ZBTB20: variants seen among roughly 807,000 people sequenced by gnomAD.
ZBTB20 encodes zinc finger and BTB domain containing 20.
A neutral mutation model predicts 56.9 loss-of-function variants in ZBTB20; 9 were observed. The observed-to-expected ratio is 0.16, with a 90% CI of 0.10 to 0.28. The LOEUF (loss-of-function observed/expected upper bound fraction) is 0.28. ZBTB20 is among the 10% of genes least tolerant of loss of function. ZBTB20 has a pLI of 1.00. For synonymous variants in ZBTB20, 417 were observed against 420.7 expected, an observed-to-expected ratio of 0.99 and a Z score of 0.11; for missense variants, 655 against 1,003.0, an observed-to-expected ratio of 0.65 and a Z score of 4.69.
At chr3:115,019,016 C>T (rs2080093751) in intron 2 of ZBTB20, among the ~76,000 whole-genome samples, 1 of 151,172 alleles carries the variant, frequency 6.6e-6, no homozygotes, top group Non-Finnish European at 1.5e-5. Flanking sequence ...CTTTTCTCCC[C>T]TCCAGATTGT....
intron 2 of ZBTB20, among the ~76,000 whole-genome samples, chr3:115,045,675 C>A (rs924006327): frequency 1.3e-5 from 2 of 151,896 alleles, no homozygotes; most frequent in South Asian, 2.1e-4. Flanking sequence ...AAAGGAAAAA[C>A]CAAATAAGAG....
intron 6 of ZBTB20, among the ~76,000 whole-genome samples, chr3:114,573,521 C>G (rs1188467026): frequency 1.1e-5 from 1 of 92,774 alleles, no homozygotes; most frequent in Non-Finnish European, 2.3e-5. Context: ...AAGAAAGAAA[C>G]AGAGAGAGAG....
intron 2 of ZBTB20, among the ~76,000 whole-genome samples, chr3:114,996,535 AC>A (rs1384264116): frequency 6.6e-6 from 1 of 151,740 alleles, no homozygotes; most frequent in Non-Finnish European, 1.5e-5. Context: ...AAGAACATGA[AC>A]TCATCCATTT....
chr3:115,089,520 A>C (rs2083110986), intron 1 of ZBTB20, among the ~76,000 whole-genome samples: 3 of 151,910 alleles, frequency 2.0e-5, no homozygotes, highest in African/African-American at 7.2e-5. Flanking sequence ...AGCAACAATT[A>C]TGATAGCATG....
chr3:114,861,153 A>C (rs547264931), intron 4 of ZBTB20, among the ~76,000 whole-genome samples: 1 of 152,166 alleles, frequency 6.6e-6, no homozygotes, highest in South Asian at 2.1e-4. Context: ...GTTTCTCCTC[A>C]AATGTCACCT....
At chr3:114,443,498 A>C (rs1029795824) in intron 7 of ZBTB20, among the ~76,000 whole-genome samples, 1 of 152,172 alleles carries the variant, frequency 6.6e-6, no homozygotes, top group Admixed American at 6.5e-5. Context: ...GGCCATAACC[A>C]CCACTATTTT....
chr3:115,103,481 T>A (rs2083639521), intron 1 of ZBTB20, among the ~76,000 whole-genome samples: 1 of 152,146 alleles, frequency 6.6e-6, no homozygotes. Flanking sequence ...CAAGAATGCA[T>A]GATGCTGGCA....
At chr3:114,944,569 G>A (rs557127820) in intron 3 of ZBTB20, among the ~76,000 whole-genome samples, 3 of 145,584 alleles carry the variant, frequency 2.1e-5, no homozygotes, top group Non-Finnish European at 4.4e-5. Context: ...GCTAAGATAC[G>A]GAAGCAACCT....
chr3:114,379,465 C>T (rs1034732408), intron 10 of ZBTB20, among the ~76,000 whole-genome samples: 2 of 152,166 alleles, frequency 1.3e-5, no homozygotes, highest in East Asian at 1.9e-4. Context: ...ATCTCCTAAA[C>T]GTGATTTATC....
At chr3:114,888,592 A>C (rs1465855662) in intron 4 of ZBTB20, among the ~76,000 whole-genome samples, 1 of 152,162 alleles carries the variant, frequency 6.6e-6, no homozygotes, top group East Asian at 1.9e-4. Flanking sequence ...ATTTTTCATC[A>C]ATGGAAATTT....
At chr3:114,517,944 G>T (rs2046205989) in intron 6 of ZBTB20, among the ~76,000 whole-genome samples, 1 of 152,188 alleles carries the variant, frequency 6.6e-6, no homozygotes, top group Non-Finnish European at 1.5e-5. Flanking sequence ...ACTGTGGACA[G>T]AGCCAACATG....
intron 5 of ZBTB20, among the ~76,000 whole-genome samples, chr3:114,741,875 TAAA>T (rs554920594): frequency 6.0e-5 from 6 of 100,470 alleles, no homozygotes; most frequent in Non-Finnish European, 1.0e-4. Flanking sequence ...AGCAAGACTG[TAAA>T]AAAAAAAAAA....
At chr3:115,014,269 T>C (rs2079848720) in intron 2 of ZBTB20, among the ~76,000 whole-genome samples, 1 of 151,544 alleles carries the variant, frequency 6.6e-6, no homozygotes, top group African/African-American at 2.4e-5. Flanking sequence ...GGAAAGATAG[T>C]TGTTTGGGGT....
intron 3 of ZBTB20, among the ~76,000 whole-genome samples, chr3:114,907,551 G>C (rs1452199949): frequency 1.3e-5 from 2 of 151,790 alleles, no homozygotes; most frequent in Non-Finnish European, 2.9e-5. Context: ...AGCTCATCAA[G>C]AGTTCATCTG....
intron 4 of ZBTB20, among the ~76,000 whole-genome samples, chr3:114,803,636 T>C (rs1053965593): frequency 2.0e-5 from 3 of 151,918 alleles, no homozygotes; most frequent in African/African-American, 7.2e-5. Flanking sequence ...TGTCACTATA[T>C]AGTGGGGTTA....
intron 6 of ZBTB20, among the ~76,000 whole-genome samples, chr3:114,516,182 T>C (rs1039149389): frequency 6.6e-6 from 1 of 152,164 alleles, no homozygotes; most frequent in African/African-American, 2.4e-5. Context: ...TTTTGCCTTA[T>C]ATGTTGGAGG....
chr3:114,399,322 T>C (rs1371115846), intron 7 of ZBTB20, among the ~76,000 whole-genome samples: 1 of 152,130 alleles, frequency 6.6e-6, no homozygotes, highest in African/African-American at 2.4e-5. Context: ...AACAAAAAAT[T>C]TAATAAAAAG....
intron 3 of ZBTB20, among the ~76,000 whole-genome samples, chr3:114,915,571 T>G (rs1024064915): frequency 2.0e-5 from 3 of 152,000 alleles, no homozygotes; most frequent in Admixed American, 6.6e-5. Context: ...TTTTCTTCAT[T>G]TCAACTGCAT....
intron 8 of ZBTB20, among the ~76,000 whole-genome samples, chr3:114,382,680 C>G (rs1203661255): frequency 6.6e-6 from 1 of 151,872 alleles, no homozygotes; most frequent in Non-Finnish European, 1.5e-5. Context: ...TCTTTTTTTT[C>G]TTAATCTTAT....
Sources: allele counts gnomAD v4.1 joint callset (sites outside exome capture counted in the v4.1 genomes callset), GRCh38; gene constraint gnomAD v4.1.1; transcripts MANE v1.5; gene names NCBI Gene and HGNC (gene_info 2026-07-23, HGNC 2026-07-21).